The following ZZZ3 variants were observed in gnomAD, a reference collection of about 807,000 sequenced individuals.
The protein encoded by ZZZ3 is ZZ-type zinc finger-containing protein 3.
ZZZ3 carries 22 observed loss-of-function variants against 95.2 expected under a neutral mutation model. The observed-to-expected ratio is 0.23, with a 90% CI of 0.17 to 0.33. The LOEUF is 0.33. ZZZ3 is among the 10% of genes least tolerant of loss of function. The pLI is 1.00. For synonymous variants in ZZZ3, 335 were observed against 358.9 expected (o/e 0.93, Z 0.75); for missense variants, 885 against 1,066.5 (o/e 0.83, Z 2.37).
intron 14 of ZZZ3, 146 bp downstream of exon 14, chr1:77,565,935 G>GA (rs546599114): frequency 5.6e-4 from 619 of 1,112,674 alleles, no homozygotes; most frequent in Non-Finnish European, 7.3e-4. Flanking sequence ...TATGATTACA[G>GA]AAAAAAATTA....
At chr1:77,665,332 C>G (rs112085012) in intron 1 of ZZZ3, among the ~76,000 whole-genome samples, 3 of 152,082 alleles carry the variant, frequency 2.0e-5, no homozygotes, top group African/African-American at 7.2e-5. Flanking sequence ...AGCTGATAAA[C>G]AGCCTGTCAA....
intron 1 of ZZZ3, among the ~76,000 whole-genome samples, chr1:77,658,178 C>CAA (rs1186224710): frequency 0.012 from 871 of 74,716 alleles, 10 homozygotes; most frequent in African/African-American, 0.014. Flanking sequence ...GACTTTGTCT[C>CAA]AAAAAAAAAA....
At chr1:77,642,994 T>C (rs1235425877) in intron 1 of ZZZ3, among the ~76,000 whole-genome samples, 1 of 152,084 alleles carries the variant, frequency 6.6e-6, no homozygotes, top group Non-Finnish European at 1.5e-5. Context: ...GAAGGATCGC[T>C]TGAGCCTAGG....
chr1:77,673,270 A>G (rs278860), intron 1 of ZZZ3, among the ~76,000 whole-genome samples: 63,971 of 151,970 alleles, frequency 0.42, 15,739 homozygotes, highest in African/African-American at 0.68. Flanking sequence ...TGAAATGAGA[A>G]GAAAATACAA....
intron 5 of ZZZ3, among the ~76,000 whole-genome samples, chr1:77,608,592 A>G (rs1665474334): frequency 6.6e-6 from 1 of 152,234 alleles, no homozygotes; most frequent in South Asian, 2.1e-4. Flanking sequence ...GTAAGTACCC[A>G]GGAAAACACA....
intron 5 of ZZZ3, among the ~76,000 whole-genome samples, chr1:77,621,765 C>A (rs1383892933): frequency 6.6e-6 from 1 of 151,966 alleles, no homozygotes; most frequent in East Asian, 2.0e-4. Context: ...TGCGGTAAGG[C>A]ATGATCACAC....
At chr1:77,576,044 A>G (rs1661902946) in intron 12 of ZZZ3, 24 bp downstream of exon 12, 7 of 1,573,290 alleles carry the variant, frequency 4.4e-6, no homozygotes, top group African/African-American at 1.4e-5. Flanking sequence ...TGATGTATAT[A>G]ACAACTTGAT....
chr1:77,617,310 C>A (rs1438923210), intron 5 of ZZZ3, among the ~76,000 whole-genome samples: 1 of 152,160 alleles, frequency 6.6e-6, no homozygotes, highest in African/African-American at 2.4e-5. Flanking sequence ...CCTTCCCCGA[C>A]CCCCTGGGTA....
At chr1:77,579,159 T>C (rs1043832001) in intron 10 of ZZZ3, among the ~76,000 whole-genome samples, 1 of 152,164 alleles carries the variant, frequency 6.6e-6, no homozygotes, top group Non-Finnish European at 1.5e-5. Context: ...TAGATGGGAA[T>C]ATGAAGGAGT....
At position 77,566,085 on chromosome 1, in the gene ZZZ3, C is replaced by A. The variant is rs1266490993; in HGVS notation, c.2563G>T (p.Asp855Tyr). Residue 855 changes from aspartate (D) to tyrosine (Y), a missense_variant, in exon 14 of 15, where the codon GAC becomes TAC. Asp to Tyr is a radical substitution (Grantham distance 160, BLOSUM62 -3). Around this residue, in one of 5 missense-constraint regions of ZZZ3, gnomAD observed 221 missense variants for 247.8 expected, o/e 0.89. Coordinates refer to ENST00000370801, the MANE Select transcript of ZZZ3 (RefSeq NM_015534.6). Reference protein sequence around the residue: ...MSLDFCDSCSDCLHETDIHKE... With the variant: ...MSLDFCDSCSYCLHETDIHKE... ...GACAATGAAGAAAACACTTACCAGT[C>A]TGAACAAGAATCACAGAAATCCAAA... 2.5e-6 allele frequency: 4 copies of A among 1,611,422 alleles called. No individual in the cohort carries two copies. The highest frequency in any genetic ancestry group is 2.2e-5 in the South Asian group (2 of 90,602).
chr1:77,620,767 A>C (rs974736590), intron 5 of ZZZ3, among the ~76,000 whole-genome samples: 4 of 152,352 alleles, frequency 2.6e-5, no homozygotes, highest in African/African-American at 9.6e-5. Context: ...TCTGATACTC[A>C]AGAATAATCT....
intron 12 of ZZZ3, among the ~76,000 whole-genome samples, chr1:77,574,123 T>C (rs1042733503): frequency 6.7e-6 from 1 of 148,304 alleles, no homozygotes; most frequent in South Asian, 2.1e-4. Context: ...TAGATATATA[T>C]ATAGATAGAT....
At position 77,670,073 on chromosome 1, in the gene ZZZ3, C is replaced by A. The variant is rs1286057088; in HGVS notation, c.-403+12512G>T. Among the ~76,000 whole-genome samples, 3 of 34,554 alleles carry A rather than the reference C, an allele frequency of 8.7e-5. No homozygotes were observed. In the East Asian group the frequency reaches 2.0e-3, roughly 23 times the overall value. The allele number at this position is 34,554 out of a possible 152,430, so 22.7% of individuals were successfully genotyped here. A position where few individuals can be genotyped will look rare whatever the true frequency, so the allele number is the denominator to read the frequency against. ...CCTATTAATATAATAAATATTGTGA[C>A]CCCCCCCCCCCATATTACTCCCTTG... On this transcript the variant is annotated intron_variant, in intron 1 of 14. Coordinates refer to ENST00000370801, the MANE Select transcript of ZZZ3 (RefSeq NM_015534.6).
rs1039603524 is a variant in ZZZ3, at chr1:77,570,470, G to A, written c.2332-2004C>T. On this transcript the variant is annotated intron_variant, in intron 12 of 14. Transcript: ENST00000370801. ...TCATTTCTTAATACTTTCTACAATCGCTTTCAAATCGGTCCTCTAGTATCC... is the reference window on the plus strand; with the variant it reads ...TCATTTCTTAATACTTTCTACAATCACTTTCAAATCGGTCCTCTAGTATCC... 6.6e-5 allele frequency among the ~76,000 whole-genome samples: 10 copies of A among 151,772 alleles called. 1 individual carries two copies. Among genetic ancestry groups the A allele is most frequent in the South Asian group, 4.2e-4 (2 of 4,818 alleles).
intron 13 of ZZZ3, 118 bp from the exon 14 acceptor site, chr1:77,566,299 G>A: frequency 1.5e-6 from 1 of 646,990 alleles, no homozygotes; most frequent in Non-Finnish European, 2.6e-6. Context: ...TCCATGCACA[G>A]GACAGTAATA....
At chr1:77,620,749 C>G (rs1449779895) in intron 5 of ZZZ3, among the ~76,000 whole-genome samples, 3 of 152,150 alleles carry the variant, frequency 2.0e-5, no homozygotes, top group African/African-American at 7.2e-5. Context: ...CAGCTATCCA[C>G]TAAATGGTCT....
At chr1:77,582,186 A>G in intron 6 of ZZZ3, 60 bp from the exon 7 acceptor site, 1 of 1,497,450 alleles carries the variant, frequency 6.7e-7, no homozygotes, top group Non-Finnish European at 9.0e-7. Context: ...TAAAGAAATA[A>G]TCCACCACAG....
chr1:77,648,686 A>G (rs1669525740), intron 1 of ZZZ3, among the ~76,000 whole-genome samples: 1 of 152,232 alleles, frequency 6.6e-6, no homozygotes. Context: ...GAGTGGAAAC[A>G]AAACCATGAA....
At chr1:77,656,653 A>G (rs1049853622) in intron 1 of ZZZ3, among the ~76,000 whole-genome samples, 2 of 152,178 alleles carry the variant, frequency 1.3e-5, no homozygotes, top group East Asian at 1.9e-4. Flanking sequence ...TAAATTCTTG[A>G]ATTTGTACTG....
Sources: gnomAD v4.1 joint callset for allele counts (sites outside exome capture counted in the v4.1 genomes callset) on GRCh38, gnomAD v4.1.1 for gene constraint, gnomAD v4.1.1 regional missense constraint, MANE v1.5 for transcripts, NCBI Gene and HGNC (gene_info 2026-07-23, HGNC 2026-07-21) for gene names.